Variants in CCDC171 observed in about 807,000 individuals in gnomAD.
CCDC171 encodes the protein coiled-coil domain-containing protein 171.
A neutral mutation model predicts 168.2 loss-of-function variants in CCDC171; 177 were observed. The observed-to-expected ratio is 1.05, with a 90% confidence interval of 0.93 to 1.19. CCDC171 has a LOEUF of 1.19. Ranked by LOEUF, CCDC171 falls within the 50% of genes most tolerant of loss-of-function variation. The pLI is 0.00. For missense variants in CCDC171, 1,991 were observed against 1,539.0 expected (o/e 1.29, Z -4.91); for synonymous variants, 687 against 540.8 (o/e 1.27, Z -3.75).
chr9:15,933,827 T>A (rs1257309132), intron 25 of CCDC171, among the ~76,000 whole-genome samples: 5 of 151,968 alleles, frequency 3.3e-5, no homozygotes, highest in African/African-American at 1.2e-4. Context: ...CTTAGTAAAA[T>A]GCATACCAAT....
intron 4 of CCDC171, among the ~76,000 whole-genome samples, chr9:15,589,123 A>G (rs924176885): frequency 2.0e-5 from 3 of 152,174 alleles, no homozygotes; most frequent in Non-Finnish European, 4.4e-5. Context: ...GGGGGAAAAC[A>G]CGTTTCCCTT....
intron 24 of CCDC171, among the ~76,000 whole-genome samples, chr9:15,907,739 A>C (rs1207634844): frequency 6.6e-6 from 1 of 152,242 alleles, no homozygotes; most frequent in African/African-American, 2.4e-5. Flanking sequence ...GAATGGGAGA[A>C]AATTTTCGCA....
chr9:15,795,351 C>G lies in CCDC171; in HGVS notation c.3267+10657C>G, dbSNP rs370690516. 4.6e-4 allele frequency among the ~76,000 whole-genome samples: 70 copies of G among 152,260 alleles called. 1 individual carries two copies. Among genetic ancestry groups the G allele is most frequent in the African/African-American group, 1.6e-3 (66 of 41,548 alleles). On this transcript the variant is annotated intron_variant, in intron 21 of 25. Transcript: ENST00000380701. ...GATGACCTAATCACCTCTTAAAGGT[C>G]TCACCTCTCAGCACTGTTGCATTGG...
intron 12 of CCDC171, among the ~76,000 whole-genome samples, chr9:15,723,103 A>T (rs2053590121): frequency 6.6e-6 from 1 of 152,172 alleles, no homozygotes; most frequent in African/African-American, 2.4e-5. Flanking sequence ...GGTGGCTGCA[A>T]AGAAAGCAAA....
intron 1 of CCDC171, among the ~76,000 whole-genome samples, chr9:16,057,693 C>T (rs1027943504): frequency 9.2e-5 from 14 of 152,312 alleles, no homozygotes; most frequent in Admixed American, 2.0e-4. Flanking sequence ...CTCCCTCTGC[C>T]ACACACAAGC....
intron 21 of CCDC171, among the ~76,000 whole-genome samples, chr9:15,803,752 T>TA (rs2058940471): frequency 6.6e-6 from 1 of 151,594 alleles, no homozygotes; most frequent in African/African-American, 2.4e-5. Flanking sequence ...TATTTGGGCT[T>TA]TTTTTTGGTT....
chr9:15,678,641 A>G, intron 9 of CCDC171, 117 bp from the exon 10 acceptor site: 1 of 752,196 alleles, frequency 1.3e-6, no homozygotes, highest in East Asian at 3.0e-5. Flanking sequence ...TAGCCTTAAA[A>G]AGTCTTTTAG....
chr9:16,038,987 A>G (rs1035228042), upstream of CCDC171, among the ~76,000 whole-genome samples: 2 of 152,172 alleles, frequency 1.3e-5, no homozygotes, highest in Non-Finnish European at 2.9e-5. Flanking sequence ...ATATAATATG[A>G]TAGTCTCAAA....
chr9:15,925,650 T>C (rs966917347), intron 25 of CCDC171, among the ~76,000 whole-genome samples: 3 of 151,644 alleles, frequency 2.0e-5, no homozygotes, highest in African/African-American at 7.3e-5. Context: ...TTTTTTGCTT[T>C]TGGAAATGGA....
At chr9:16,040,271 C>A (rs1409510857), upstream of CCDC171, among the ~76,000 whole-genome samples, 1 of 152,204 alleles carries the variant, frequency 6.6e-6, no homozygotes, top group Non-Finnish European at 1.5e-5. Flanking sequence ...CTTTCCTTAT[C>A]TTGATCCCCC....
Position 15,815,966 on chromosome 9 carries a change from G to A in CCDC171, c.3268-30736G>A, listed in dbSNP as rs1210703733. On this transcript the variant is annotated intron_variant, in intron 21 of 25. Coordinates refer to ENST00000380701, the MANE Select transcript of CCDC171 (RefSeq NM_173550.4). ...CCACTTTTTAAAAATAATAATTTTA[G>A]CAGAGAAGATTCAAGATAGAAGGTA... is the stretch of plus-strand genomic sequence containing the variant. 1.7e-5 allele frequency among the ~76,000 whole-genome samples: 2 copies of A among 117,164 alleles called. 1 individual carries two copies. Among genetic ancestry groups the A allele is most frequent in the Non-Finnish European group, 3.8e-5 (2 of 52,140 alleles). The allele number at this position is 117,164 out of a possible 152,430, so 76.9% of individuals were successfully genotyped here. A position where few individuals can be genotyped will look rare whatever the true frequency, so the allele number is the denominator to read the frequency against.
intron 4 of CCDC171, among the ~76,000 whole-genome samples, chr9:15,580,518 A>T (rs2041023396): frequency 1.3e-5 from 2 of 152,298 alleles, no homozygotes; most frequent in South Asian, 4.1e-4. Context: ...ATCTATGAGG[A>T]ACTCAAATCA....
intron 21 of CCDC171, among the ~76,000 whole-genome samples, chr9:15,804,727 T>A (rs1272952284): frequency 2.0e-5 from 3 of 152,118 alleles, no homozygotes; most frequent in Non-Finnish European, 4.4e-5. Flanking sequence ...GTTATTGGTA[T>A]CAGGATAATG....
intron 24 of CCDC171, among the ~76,000 whole-genome samples, chr9:15,905,977 A>C (rs1159185063): frequency 6.6e-6 from 1 of 152,260 alleles, no homozygotes; most frequent in Non-Finnish European, 1.5e-5. Flanking sequence ...AACCAGGAAG[A>C]AGCTGAATCT....
intron 25 of CCDC171, among the ~76,000 whole-genome samples, chr9:15,957,110 A>C (rs763183193): frequency 8.6e-5 from 13 of 151,460 alleles, no homozygotes; most frequent in Non-Finnish European, 1.9e-4. Context: ...TGGAATGACT[A>C]AACTGTAGCC....
chr9:16,105,455 C>A, the CCDC171 span, among the ~76,000 whole-genome samples: 832 of 152,214 alleles, frequency 5.5e-3, 21 homozygotes, highest in East Asian at 0.057. Flanking sequence ...GTCCAGCACC[C>A]CCCCCTTCTC....
At chr9:16,099,468 A>C in the CCDC171 span, among the ~76,000 whole-genome samples, 1 of 152,234 alleles carries the variant, frequency 6.6e-6, no homozygotes, top group African/African-American at 2.4e-5. Flanking sequence ...GCGTGATGCA[A>C]CCTGAAGACG....
intron 23 of CCDC171, among the ~76,000 whole-genome samples, chr9:15,854,450 C>G (rs1205015935): frequency 6.6e-6 from 1 of 151,292 alleles, no homozygotes; most frequent in African/African-American, 2.4e-5. Context: ...ATTTTTATTT[C>G]TGATTTTAGT....
chr9:16,011,641 G>T (rs1272837787), intron 3 of CCDC171, among the ~76,000 whole-genome samples: 2 of 152,094 alleles, frequency 1.3e-5, no homozygotes, highest in African/African-American at 2.4e-5. Flanking sequence ...TAGTGGAAAT[G>T]TATCCATTCC....
Sources: allele counts gnomAD v4.1 joint callset (sites outside exome capture counted in the v4.1 genomes callset), GRCh38; gene constraint gnomAD v4.1.1; transcripts MANE v1.5; gene names NCBI Gene and HGNC (gene_info 2026-07-23, HGNC 2026-07-21).